EXD1: variants seen among roughly 807,000 people sequenced by gnomAD.
EXD1 encodes piRNA biogenesis protein EXD1.
Under a neutral mutation model 49.1 loss-of-function variants are expected in EXD1, and 63 were observed. That is an observed-to-expected ratio of 1.28 (90% confidence interval 1.05 to 1.58). EXD1 has a LOEUF of 1.58. Among genes scored for constraint, EXD1 ranks in the 40% most tolerant of loss-of-function variants. EXD1 has a pLI of 0.00. For synonymous variants in EXD1, 234 were observed against 239.2 expected, an observed-to-expected ratio of 0.98 and a Z score of 0.20; for missense variants, 748 against 666.0, an observed-to-expected ratio of 1.12 and a Z score of -1.36.
intron 10 of EXD1, 102 bp downstream of exon 10, chr15:41,191,337 TATG>T: frequency 9.4e-7 from 1 of 1,062,890 alleles, no homozygotes; most frequent in Non-Finnish European, 1.4e-6. Flanking sequence ...GCAATGTTCA[TATG>T]ATAACATGGC....
chr15:41,191,651 A>G (rs960954507), intron 9 of EXD1, 66 bp from the exon 10 acceptor site: 2 of 1,436,336 alleles, frequency 1.4e-6, no homozygotes, highest in African/African-American at 2.8e-5. Context: ...CATGCCAGAA[A>G]TATATTTAGA....
At position 41,226,525 on chromosome 15, in the gene EXD1, C is replaced by G; in HGVS notation, c.51G>C (p.Arg17Ser). ...YHFLSQILWK[R>S]VKLTLVCGVF... is the part of the protein sequence containing the mutation. ...CACCACAGACCAATGTGAGTTTCAC[C>G]CTCTTCCACAAAATCTGGCTGAGGA... is the stretch of plus-strand genomic sequence containing the variant. Residue 17 changes from arginine to serine, a missense_variant, in exon 2 of 12, where the codon AGG (arginine) becomes AGC (serine). By Grantham distance (110) the Arg-to-Ser change is moderately radical. Transcript: ENST00000458580. 1 of 1,536,026 alleles carries G rather than the reference C, an allele frequency of 6.5e-7. No individual in the cohort carries two copies. The highest frequency in any genetic ancestry group is 8.7e-7 in the Non-Finnish European group (1 of 1,146,856).
At chr15:41,188,825 CAG>C (rs1307123215) in intron 11 of EXD1, among the ~76,000 whole-genome samples, 4 of 115,358 alleles carry the variant, frequency 3.5e-5, no homozygotes, top group Non-Finnish European at 6.7e-5. Context: ...TTTTTTGAGA[CAG>C]AGTCTTGCTC....
chr15:41,230,748 AGTCTC>A lies in EXD1; in HGVS notation c.-328_-324del. On this transcript the variant is annotated 5_prime_UTR_variant, in exon 1 of 12. Coordinates refer to ENST00000458580, the MANE Select transcript of EXD1 (RefSeq NM_001286441.2). ...GCGACGCCCGCCCGGCCCAACGTCC[AGTCTC>A]GTCTGTTTCCCGAGGAGCCAATCAG... The A allele has an allele frequency of 1.7e-6, 1 of 583,700 alleles. No individual in the cohort carries two copies. Among genetic ancestry groups the A allele is most frequent in the South Asian group, 2.1e-5 (1 of 47,666 alleles). The allele number at this position is 583,700 out of a possible 1,614,324, so 36.2% of individuals were successfully genotyped here. A position where few individuals can be genotyped will look rare whatever the true frequency, so the allele number is the denominator to read the frequency against.
chr15:41,188,307 C>T (rs1407262842), intron 11 of EXD1, among the ~76,000 whole-genome samples: 1 of 151,916 alleles, frequency 6.6e-6, no homozygotes, highest in Non-Finnish European at 1.5e-5. Flanking sequence ...TCTCCCTCCC[C>T]TCTTTTTCCT....
intron 2 of EXD1, among the ~76,000 whole-genome samples, chr15:41,221,556 T>C (rs1566994337): frequency 6.6e-6 from 1 of 151,914 alleles, no homozygotes; most frequent in Non-Finnish European, 1.5e-5. Flanking sequence ...ATTACAGGTG[T>C]GAGCCACCCT....
chr15:41,199,708 A>T (rs867461702), intron 7 of EXD1, among the ~76,000 whole-genome samples: 4 of 85,994 alleles, frequency 4.7e-5, no homozygotes, highest in South Asian at 5.0e-4. Flanking sequence ...TACATATATC[A>T]TATATATGAT....
Position 41,227,496 on chromosome 15 carries a change from C to G in EXD1, c.-53-868G>C, listed in dbSNP as rs373742204. 2.0e-5 allele frequency among the ~76,000 whole-genome samples: 3 copies of G among 151,640 alleles called. No individual in the cohort carries two copies. The East Asian group carries it at 5.8e-4, about 29-fold the overall frequency. ...ACCAGCCTGACCAACATGGAGAAAC[C>G]CTGTCTTTACTAAAAATACAAAATT... On this transcript the variant is annotated intron_variant, in intron 1 of 11. Coordinates refer to ENST00000458580, the MANE Select transcript of EXD1 (RefSeq NM_001286441.2).
At chr15:41,199,747 T>TAATATATCA (rs558589077) in intron 7 of EXD1, among the ~76,000 whole-genome samples, 13,906 of 99,552 alleles carry the variant, frequency 0.14, 2,399 homozygotes, top group South Asian at 0.29. Context: ...ATGTCATATA[T>TAATATATCA]TATATATGAT....
At chr15:41,216,918 C>A in intron 4 of EXD1, 123 bp from the exon 5 acceptor site, 1 of 1,433,422 alleles carries the variant, frequency 7.0e-7, no homozygotes, top group South Asian at 1.3e-5. Context: ...CCCATTCATC[C>A]ACTGCTTACA....
In EXD1 at chr15:41,191,490, T is replaced by A. The variant is rs2046515420; in HGVS notation, c.816A>T (p.Val272=). Residue 272 remains valine, a synonymous_variant, in exon 10 of 12, where the codon GTA becomes GTT. Transcript: ENST00000458580. ...CTAGAAAGGAGAGATATTTAGGGGCTACTTGAAGGTGTTTGATTAAACTCT... is the reference window on the plus strand; with the variant it reads ...CTAGAAAGGAGAGATATTTAGGGGCAACTTGAAGGTGTTTGATTAAACTCT... ...LQESLIKHLQ[V]APKYLSFLEK... is the part of the protein sequence containing the mutation. 1 of 1,613,306 alleles carries A rather than the reference T, an allele frequency of 6.2e-7. No individual in the cohort carries two copies. Among genetic ancestry groups the A allele is most frequent in the East Asian group, 2.2e-5 (1 of 44,864 alleles).
At chr15:41,184,653 A>AAGTTTATT in intron 11 of EXD1, 60 bp from the exon 12 acceptor site, 5 of 1,442,282 alleles carry the variant, frequency 3.5e-6, no homozygotes, top group Non-Finnish European at 4.5e-6. Flanking sequence ...TGGTACTTAA[A>AAGTTTATT]ATCACTTTTT....
intron 6 of EXD1, among the ~76,000 whole-genome samples, chr15:41,214,055 T>A (rs1419629466): frequency 6.6e-6 from 1 of 152,072 alleles, no homozygotes; most frequent in Non-Finnish European, 1.5e-5. Context: ...TAGTCCCAGC[T>A]ACTCGGGAGG....
Position 41,185,009 on chromosome 15 carries a change from A to G in EXD1, c.1057-416T>C, listed in dbSNP as rs141129358. 4.3e-3 allele frequency among the ~76,000 whole-genome samples: 657 copies of G among 152,248 alleles called. 7 individuals carry two copies. The highest frequency in any genetic ancestry group is 0.015 in the African/African-American group (633 of 41,568). ...AATTGGTAAATGAGAGTCTATTCAA[A>G]TGTGTTCATATAGCACCCTCTGGTG... On this transcript the variant is annotated intron_variant, in intron 11 of 11. Coordinates refer to ENST00000458580, the MANE Select transcript of EXD1 (RefSeq NM_001286441.2).
rs188722411 is a variant in EXD1, at chr15:41,218,368, T to A, written c.203-1214A>T. ...TGGGTGTGGTGGCACACACCTGTAA[T>A]CCCAGCTCCTGGGGAGGATGATGCA... On this transcript the variant is annotated intron_variant, in intron 3 of 11. Coordinates refer to ENST00000458580, the MANE Select transcript of EXD1 (RefSeq NM_001286441.2). Among the ~76,000 whole-genome samples, 229 of 150,644 alleles carry A rather than the reference T, an allele frequency of 1.5e-3. 1 individual carries two copies. The highest frequency in any genetic ancestry group is 5.5e-3 in the African/African-American group (223 of 40,824).
At position 41,187,753 on chromosome 15, in the gene EXD1, G is replaced by A. The variant is rs953718111; in HGVS notation, c.1056+2184C>T. On this transcript the variant is annotated intron_variant, in intron 11 of 11. Transcript: ENST00000458580. ...TATTAGGCCGGGTGCAGTGGCTCACGCCTTGTAAATCTAGCACTCTGGGAG... is the reference window on the plus strand; with the variant it reads ...TATTAGGCCGGGTGCAGTGGCTCACACCTTGTAAATCTAGCACTCTGGGAG... Among the ~76,000 whole-genome samples the A allele has an allele frequency of 2.0e-5, 3 of 151,918 alleles. No homozygotes were observed. The East Asian group carries it at 5.8e-4, about 29-fold the overall frequency.
At chr15:41,224,801 A>C (rs1403047597) in intron 2 of EXD1, among the ~76,000 whole-genome samples, 1 of 152,084 alleles carries the variant, frequency 6.6e-6, no homozygotes. Context: ...CAAAAAAATA[A>C]AGATTAAAAA....
chr15:41,192,558 G>A (rs888288731), intron 9 of EXD1, among the ~76,000 whole-genome samples: 1 of 139,582 alleles, frequency 7.2e-6, no homozygotes, highest in African/African-American at 2.7e-5. Flanking sequence ...GGCTCCCGAA[G>A]TGTTGGGATT....
At chr15:41,185,899 A>G (rs896462208) in intron 11 of EXD1, among the ~76,000 whole-genome samples, 1 of 151,938 alleles carries the variant, frequency 6.6e-6, no homozygotes, top group African/African-American at 2.4e-5. Flanking sequence ...CACTTTATAA[A>G]TTGTCTTTTT....
Sources: gnomAD v4.1 joint callset for allele counts (sites outside exome capture counted in the v4.1 genomes callset) on GRCh38, gnomAD v4.1.1 for gene constraint, MANE v1.5 for transcripts, NCBI Gene and HGNC (gene_info 2026-07-23, HGNC 2026-07-21) for gene names.